Variants in PRELID2 observed in about 807,000 individuals in gnomAD.
The protein encoded by PRELID2 is PRELI domain containing 2, also known as PRELI domain-containing protein 2.
In PRELID2, 25 loss-of-function variants were observed where a neutral mutation model predicts 28.4. The ratio of observed to expected loss-of-function variants is 0.88; its 90% CI spans 0.64 to 1.23. The LOEUF is 1.23. Among genes scored for constraint, PRELID2 ranks in the 50% most tolerant of loss-of-function variants. The probability of loss-of-function intolerance (pLI) is 0.00; values close to 1 mark genes in which losing one functional copy is unlikely to be tolerated. For missense variants in PRELID2, 201 were observed against 214.4 expected (o/e 0.94, Z 0.39); for synonymous variants, 76 against 71.6 (o/e 1.06, Z -0.31).
chr5:145,757,836 C>T lies in PRELID2; in HGVS notation c.*2700G>A, dbSNP rs951594541. On this transcript the variant is annotated 3_prime_UTR_variant, in exon 7 of 7. Transcript: ENST00000683046. ...TAAATGAAAAAAAAAAAAAAAAAGA[C>T]CATAAAATTTCTAAGCCATATATGT... Among the ~76,000 whole-genome samples the T allele has an allele frequency of 2.1e-5, 3 of 145,328 alleles. No homozygotes were observed. Among genetic ancestry groups the T allele is most frequent in the Admixed American group, 1.4e-4 (2 of 14,584 alleles).
intron 1 of PRELID2, among the ~76,000 whole-genome samples, chr5:145,601,739 C>G (rs571219886): frequency 2.6e-4 from 39 of 152,212 alleles, no homozygotes; most frequent in African/African-American, 9.4e-4. Context: ...TGATGTGTAA[C>G]TTTGACACAG....
intron 1 of PRELID2, among the ~76,000 whole-genome samples, chr5:145,705,362 T>C (rs1208740752): frequency 7.2e-5 from 10 of 139,694 alleles, no homozygotes; most frequent in African/African-American, 2.6e-4. Flanking sequence ...AGCTAATTTT[T>C]GTGGGTTTTT....
intron 1 of PRELID2, among the ~76,000 whole-genome samples, chr5:145,643,626 C>G (rs1467038448): frequency 3.9e-5 from 6 of 152,058 alleles, no homozygotes; most frequent in Non-Finnish European, 8.8e-5. Flanking sequence ...TTTTTCCCAT[C>G]CAGTATGATA....
At chr5:145,545,605 G>C (rs1306570931) in intron 1 of PRELID2, among the ~76,000 whole-genome samples, 1 of 151,964 alleles carries the variant, frequency 6.6e-6, no homozygotes, top group Non-Finnish European at 1.5e-5. Context: ...CCTCGATCTA[G>C]CACCATTTTT....
At chr5:145,638,248 A>T (rs1401482469) in intron 1 of PRELID2, among the ~76,000 whole-genome samples, 2 of 152,156 alleles carry the variant, frequency 1.3e-5, no homozygotes, top group Non-Finnish European at 2.9e-5. Flanking sequence ...TGCCTAACTT[A>T]AGCTGTTCCA....
chr5:145,745,736 A>C (rs766889447), intron 1 of PRELID2, among the ~76,000 whole-genome samples: 1 of 151,978 alleles, frequency 6.6e-6, no homozygotes, highest in Admixed American at 6.6e-5. Flanking sequence ...TGTGGTGGGC[A>C]CCTATAATCC....
chr5:145,408,288 A>G, the PRELID2 span, among the ~76,000 whole-genome samples: 1 of 151,826 alleles, frequency 6.6e-6, no homozygotes, highest in Non-Finnish European at 1.5e-5. Flanking sequence ...AGCAATGGAT[A>G]CAAACTAAGA....
At chr5:145,707,463 G>A (rs987478563) in intron 1 of PRELID2, among the ~76,000 whole-genome samples, 4 of 152,122 alleles carry the variant, frequency 2.6e-5, no homozygotes, top group African/African-American at 7.2e-5. Flanking sequence ...ATAAGGTATA[G>A]GATCCTTAAG....
intron 1 of PRELID2, among the ~76,000 whole-genome samples, chr5:145,512,252 C>G (rs138025320): frequency 6.6e-6 from 1 of 152,108 alleles, no homozygotes; most frequent in Non-Finnish European, 1.5e-5. Flanking sequence ...ACTGAGGTAC[C>G]CAGTTAATCT....
intron 6 of PRELID2, among the ~76,000 whole-genome samples, chr5:145,761,694 T>C (rs1448122308): frequency 1.3e-5 from 2 of 152,196 alleles, no homozygotes; most frequent in Non-Finnish European, 2.9e-5. Flanking sequence ...GCTTTGAACA[T>C]AGTTAGAAGC....
downstream of PRELID2, among the ~76,000 whole-genome samples, chr5:145,471,587 A>C (rs1412615288): frequency 7.9e-5 from 12 of 151,588 alleles, no homozygotes; most frequent in East Asian, 1.9e-4. Context: ...ATTCTAACAC[A>C]CACATTTTTT....
intron 1 of PRELID2, among the ~76,000 whole-genome samples, chr5:145,652,441 A>G (rs1754314854): frequency 6.6e-6 from 1 of 152,258 alleles, no homozygotes; most frequent in South Asian, 2.1e-4. Context: ...TCCAAGACAC[A>G]TAACTGTCAG....
the PRELID2 span, among the ~76,000 whole-genome samples, chr5:145,397,414 G>T: frequency 6.6e-6 from 1 of 152,070 alleles, no homozygotes; most frequent in South Asian, 2.1e-4. Flanking sequence ...TCCACTGAGG[G>T]ACCAGAAGAA....
intron 4 of PRELID2, 97 bp from the exon 5 acceptor site, chr5:145,796,644 A>C (rs1177950225): frequency 5.2e-6 from 3 of 579,956 alleles, no homozygotes; most frequent in East Asian, 6.4e-5. Context: ...CTTATAATCA[A>C]TAAAAAATAA....
chr5:145,455,874 G>C, the PRELID2 span, among the ~76,000 whole-genome samples: 2 of 152,206 alleles, frequency 1.3e-5, no homozygotes, highest in Non-Finnish European at 2.9e-5. Flanking sequence ...TGCACCCACT[G>C]TCTAACCAGT....
At chr5:145,603,987 A>C (rs1753456579) in intron 1 of PRELID2, among the ~76,000 whole-genome samples, 1 of 152,256 alleles carries the variant, frequency 6.6e-6, no homozygotes, top group African/African-American at 2.4e-5. Context: ...GGTGAAAGGA[A>C]ATTAAAAATA....
chr5:145,466,041 T>G, the PRELID2 span, among the ~76,000 whole-genome samples: 1 of 152,122 alleles, frequency 6.6e-6, no homozygotes, highest in Non-Finnish European at 1.5e-5. Context: ...AGAATGTGTG[T>G]GAGCAGATTC....
At chr5:145,607,525 G>C (rs950688472) in intron 1 of PRELID2, among the ~76,000 whole-genome samples, 2 of 152,096 alleles carry the variant, frequency 1.3e-5, no homozygotes, top group Non-Finnish European at 2.9e-5. Context: ...TCAGGAACAG[G>C]TTGCTTAATT....
At chr5:145,493,331 C>T (rs1391985396) in intron 1 of PRELID2, among the ~76,000 whole-genome samples, 4 of 152,236 alleles carry the variant, frequency 2.6e-5, no homozygotes, top group Admixed American at 6.5e-5. Context: ...TATTTCTGTC[C>T]TTCCTTTATC....
Sources: allele counts gnomAD v4.1 joint callset (sites outside exome capture counted in the v4.1 genomes callset), GRCh38; gene constraint gnomAD v4.1.1; transcripts MANE v1.5; gene names NCBI Gene and HGNC (gene_info 2026-07-23, HGNC 2026-07-21).